The following PTPRT variants were observed in gnomAD, a reference collection of about 807,000 sequenced individuals.
PTPRT encodes the protein protein tyrosine phosphatase receptor type T, also known as receptor-type tyrosine-protein phosphatase T.
In PTPRT, 56 loss-of-function variants were observed where a neutral mutation model predicts 176.8. The observed-to-expected ratio is 0.32, with a 90% CI of 0.26 to 0.40. The LOEUF (loss-of-function observed/expected upper bound fraction) is 0.40. Ranked by LOEUF, PTPRT falls within the 10% of genes least tolerant of loss-of-function variation. The pLI, the probability that PTPRT is intolerant of heterozygous loss-of-function variation, is 1.00. For synonymous variants in PTPRT, 783 were observed against 739.0 expected (o/e 1.06, Z -0.96); for missense variants, 1,540 against 1,908.2 (o/e 0.81, Z 3.60).
At chr20:42,817,837 C>T (rs2077816329) in intron 2 of PTPRT, among the ~76,000 whole-genome samples, 1 of 152,166 alleles carries the variant, frequency 6.6e-6, no homozygotes, top group Non-Finnish European at 1.5e-5. Flanking sequence ...ACTCCAATAA[C>T]TCCAGCTAGA....
chr20:42,349,498 A>C (rs1421854365), intron 11 of PTPRT, among the ~76,000 whole-genome samples: 1 of 152,142 alleles, frequency 6.6e-6, no homozygotes, highest in Non-Finnish European at 1.5e-5. Context: ...CTGTCTCCCC[A>C]ACTAGAGTTT....
intron 2 of PTPRT, among the ~76,000 whole-genome samples, chr20:42,828,480 C>A (rs2078033524): frequency 6.6e-6 from 1 of 152,146 alleles, no homozygotes; most frequent in Non-Finnish European, 1.5e-5. Context: ...TAATGAGGAG[C>A]CGAATGTTAA....
At chr20:42,444,339 T>C (rs1177025520) in intron 9 of PTPRT, among the ~76,000 whole-genome samples, 1 of 152,182 alleles carries the variant, frequency 6.6e-6, no homozygotes, top group Non-Finnish European at 1.5e-5. Context: ...ATTTCATGGG[T>C]TTGACATAGA....
At chr20:42,996,962 C>A (rs1260261834) in intron 1 of PTPRT, among the ~76,000 whole-genome samples, 1 of 152,130 alleles carries the variant, frequency 6.6e-6, no homozygotes, top group African/African-American at 2.4e-5. Flanking sequence ...TAAATGCTTG[C>A]TATAATAATT....
At chr20:42,571,063 G>T (rs2073145308) in intron 7 of PTPRT, among the ~76,000 whole-genome samples, 1 of 152,150 alleles carries the variant, frequency 6.6e-6, no homozygotes, top group Non-Finnish European at 1.5e-5. Flanking sequence ...TGCATGTGCT[G>T]CCATTAAAAT....
rs76811089 is a variant in PTPRT at position 42,810,593 on chromosome 20, T to C, written c.215-19127A>G. ...CAGTACGCAGTTCTGAAGCTTACCATTGTATAAAATAATACCTGGTGTCTA... is the reference window on the plus strand; with the variant it reads ...CAGTACGCAGTTCTGAAGCTTACCACTGTATAAAATAATACCTGGTGTCTA... On this transcript the variant is annotated intron_variant, in intron 2 of 30. Transcript: ENST00000373187. Among the ~76,000 whole-genome samples the C allele has an allele frequency of 7.1e-4, 108 of 152,324 alleles. 2 individuals carry two copies. The East Asian group carries it at 0.017, about 23-fold the overall frequency.
chr20:42,221,838 C>A (rs1353425978), intron 15 of PTPRT, among the ~76,000 whole-genome samples: 1 of 152,062 alleles, frequency 6.6e-6, no homozygotes, highest in Non-Finnish European at 1.5e-5. Context: ...ACTTTTAGAA[C>A]CACCAGATCT....
At position 42,623,266 on chromosome 20, in the gene PTPRT, C is replaced by T. The variant is rs192165094; in HGVS notation, c.1153+54600G>A. Among the ~76,000 whole-genome samples the T allele has an allele frequency of 9.8e-5, 15 of 152,310 alleles. No homozygotes were observed. In the East Asian group the frequency reaches 1.5e-3, roughly 16 times the overall value. On this transcript the variant is annotated intron_variant, in intron 7 of 30. Coordinates refer to ENST00000373187, the MANE Select transcript of PTPRT (RefSeq NM_007050.6). Reference sequence around the variant, plus strand: ...CCAAAAGAGCATGCTGTAACATGCCCGCTGGGCTTCAGGAGTCGCAGACAC... The same window carrying T: ...CCAAAAGAGCATGCTGTAACATGCCTGCTGGGCTTCAGGAGTCGCAGACAC...
At chr20:42,570,001 C>T (rs929142182) in intron 7 of PTPRT, among the ~76,000 whole-genome samples, 7 of 152,194 alleles carry the variant, frequency 4.6e-5, no homozygotes, top group East Asian at 1.9e-4. Flanking sequence ...ACTTGCCCAA[C>T]ATTTTATAGA....
chr20:42,785,961 G>C (rs2077283334), intron 3 of PTPRT, among the ~76,000 whole-genome samples: 2 of 152,152 alleles, frequency 1.3e-5, no homozygotes, highest in Non-Finnish European at 2.9e-5. Context: ...CATGTTGAGA[G>C]ACGAACGTGG....
intron 6 of PTPRT, among the ~76,000 whole-genome samples, chr20:42,755,496 A>G (rs1042616230): frequency 2.6e-5 from 4 of 152,178 alleles, no homozygotes; most frequent in African/African-American, 9.7e-5. Context: ...CTATATTAAA[A>G]TTTTAATCGG....
At position 42,221,826 on chromosome 20, in the gene PTPRT, C is replaced by T. The variant is rs114920528; in HGVS notation, c.2342+14403G>A. 3.0e-3 allele frequency among the ~76,000 whole-genome samples: 449 copies of T among 152,134 alleles called. 1 individual carries two copies. The highest frequency in any genetic ancestry group is 0.01 in the African/African-American group (419 of 41,514). ...GAGCCACCACACCTGGCCAAAACTG[C>T]GACTTTTAGAACCACCAGATCTCAC... is the stretch of plus-strand genomic sequence containing the variant. On this transcript the variant is annotated intron_variant, in intron 15 of 30. Coordinates refer to ENST00000373187, the MANE Select transcript of PTPRT (RefSeq NM_007050.6).
At chr20:43,015,113 C>T (rs1207157423) in intron 1 of PTPRT, among the ~76,000 whole-genome samples, 1 of 152,180 alleles carries the variant, frequency 6.6e-6, no homozygotes, top group Non-Finnish European at 1.5e-5. Flanking sequence ...AACATGAGTG[C>T]TGGGTGTCAT....
At chr20:42,870,045 C>T (rs577893207) in intron 2 of PTPRT, among the ~76,000 whole-genome samples, 2 of 152,276 alleles carry the variant, frequency 1.3e-5, no homozygotes, top group Middle Eastern at 3.4e-3. Context: ...TAATCTTGGA[C>T]TTGTCAACCT....
At chr20:43,004,652 T>C (rs1460968903) in intron 1 of PTPRT, among the ~76,000 whole-genome samples, 1 of 152,192 alleles carries the variant, frequency 6.6e-6, no homozygotes, top group Non-Finnish European at 1.5e-5. Flanking sequence ...CAAATAGGTA[T>C]GAAGATCTTC....
At chr20:42,776,258 T>A (rs966695880) in intron 4 of PTPRT, among the ~76,000 whole-genome samples, 8 of 152,218 alleles carry the variant, frequency 5.3e-5, no homozygotes, top group African/African-American at 1.4e-4. Context: ...TTTGTCATGG[T>A]CTGAACTGTG....
chr20:42,896,105 C>T (rs1207283926), intron 1 of PTPRT, among the ~76,000 whole-genome samples: 2 of 152,140 alleles, frequency 1.3e-5, no homozygotes, highest in Admixed American at 6.5e-5. Context: ...ATCTACACTA[C>T]AAGCTTGTGT....
intron 7 of PTPRT, among the ~76,000 whole-genome samples, chr20:42,600,381 C>T (rs571470716): frequency 1.3e-5 from 2 of 152,216 alleles, no homozygotes; most frequent in Non-Finnish European, 2.9e-5. Context: ...TTCAAGTGAT[C>T]TGCCTGCATT....
chr20:42,736,530 G>A (rs919821210), intron 6 of PTPRT, among the ~76,000 whole-genome samples: 9 of 152,222 alleles, frequency 5.9e-5, no homozygotes, highest in Non-Finnish European at 8.8e-5. Flanking sequence ...GCCTGTCCTC[G>A]TGGAACCCAT....
Sources: allele counts gnomAD v4.1 joint callset (sites outside exome capture counted in the v4.1 genomes callset), GRCh38; gene constraint gnomAD v4.1.1; transcripts MANE v1.5; gene names NCBI Gene and HGNC (gene_info 2026-07-23, HGNC 2026-07-21).